The following IMMP2L variants were observed in gnomAD, a reference collection of about 807,000 sequenced individuals.
IMMP2L encodes mitochondrial inner membrane protease subunit 2.
A neutral mutation model predicts 19.3 loss-of-function variants in IMMP2L; 18 were observed. The ratio of observed to expected loss-of-function variants is 0.93; its 90% CI spans 0.64 to 1.38. IMMP2L has a LOEUF of 1.38. IMMP2L is among the 40% of genes most tolerant of loss of function. The pLI, the probability that IMMP2L is intolerant of heterozygous loss-of-function variation, is 0.00. For synonymous variants in IMMP2L, 76 were observed against 73.0 expected (o/e 1.04, Z -0.21); for missense variants, 233 against 218.2 (o/e 1.07, Z -0.43).
chr7:111,066,036 T>C (rs1369511229), intron 3 of IMMP2L, among the ~76,000 whole-genome samples: 1 of 149,268 alleles, frequency 6.7e-6, no homozygotes, highest in Non-Finnish European at 1.5e-5. Context: ...TTGAGTGCTA[T>C]GGCGCAATCT....
intron 5 of IMMP2L, among the ~76,000 whole-genome samples, chr7:110,792,001 A>G (rs1800489434): frequency 6.6e-6 from 1 of 151,978 alleles, no homozygotes; most frequent in South Asian, 2.1e-4. Flanking sequence ...GTTGAGAATA[A>G]ATATTCTTGC....
chr7:111,357,593 G>A (rs983860058), intron 3 of IMMP2L, among the ~76,000 whole-genome samples: 3 of 151,998 alleles, frequency 2.0e-5, no homozygotes, highest in Non-Finnish European at 4.4e-5. Context: ...AACTTGTTTT[G>A]TCTGAATGTT....
At chr7:111,482,242 A>T (rs1309779070) in intron 3 of IMMP2L, among the ~76,000 whole-genome samples, 1 of 152,154 alleles carries the variant, frequency 6.6e-6, no homozygotes. Flanking sequence ...TTTACTTGCC[A>T]TGCACTTGCT....
chr7:111,443,011 G>A (rs890190585), intron 3 of IMMP2L, among the ~76,000 whole-genome samples: 8 of 151,802 alleles, frequency 5.3e-5, no homozygotes, highest in Non-Finnish European at 8.8e-5. Flanking sequence ...TTTCACCTTC[G>A]CTTCAGACAT....
chr7:111,233,345 G>A (rs1016560358), intron 3 of IMMP2L, among the ~76,000 whole-genome samples: 1 of 151,952 alleles, frequency 6.6e-6, no homozygotes, highest in African/African-American at 2.4e-5. Context: ...TTCACTCCCT[G>A]AAATAAAGAC....
At chr7:111,225,803 T>C (rs1317293185) in intron 3 of IMMP2L, among the ~76,000 whole-genome samples, 4 of 151,664 alleles carry the variant, frequency 2.6e-5, no homozygotes, top group African/African-American at 4.8e-5. Context: ...TTACAATACA[T>C]ATTCTGACTT....
chr7:110,758,609 A>G lies in IMMP2L; in HGVS notation c.409-94888T>C, dbSNP rs565223572. On this transcript the variant is annotated intron_variant, in intron 5 of 5. Coordinates refer to ENST00000405709, the MANE Select transcript of IMMP2L (RefSeq NM_032549.4). The surrounding 1 kb of genome is among the most constrained non-coding windows in gnomAD (Gnocchi z 4.6). The stretch of plus-strand genomic sequence containing the variant: ...CTATTTAGCAGATAATAATCAATCA[A>G]TATTGACTTTCAGTCTTCCTACAGT... Among the ~76,000 whole-genome samples, 19 of 152,192 alleles carry G rather than the reference A, an allele frequency of 1.2e-4. No individual in the cohort carries two copies. Among genetic ancestry groups the G allele is most frequent in the African/African-American group, 4.1e-4 (17 of 41,570 alleles).
At chr7:110,690,054 T>G (rs928311432) in intron 5 of IMMP2L, among the ~76,000 whole-genome samples, 2 of 152,228 alleles carry the variant, frequency 1.3e-5, no homozygotes, top group Non-Finnish European at 2.9e-5. Context: ...GGGGAAAGTT[T>G]GCTGCTTAGC....
At chr7:111,169,141 T>C (rs776173816) in intron 3 of IMMP2L, among the ~76,000 whole-genome samples, 1 of 151,876 alleles carries the variant, frequency 6.6e-6, no homozygotes, top group East Asian at 1.9e-4. Context: ...TATACAACTA[T>C]ATATTTTGTT....
chr7:111,472,631 TAAGAA>T (rs529868414), intron 3 of IMMP2L, among the ~76,000 whole-genome samples: 101 of 152,326 alleles, frequency 6.6e-4, no homozygotes, highest in African/African-American at 2.3e-3. Flanking sequence ...TGCTTTTCAT[TAAGAA>T]AAGACACAAT....
At chr7:110,997,222 A>G (rs1048677485) in intron 3 of IMMP2L, among the ~76,000 whole-genome samples, 1 of 152,148 alleles carries the variant, frequency 6.6e-6, no homozygotes, top group Non-Finnish European at 1.5e-5. Flanking sequence ...GCATATATCA[A>G]TAGTTCATTC....
intron 5 of IMMP2L, among the ~76,000 whole-genome samples, chr7:110,783,283 T>A (rs892064432): frequency 2.0e-5 from 3 of 151,822 alleles, no homozygotes; most frequent in Admixed American, 6.6e-5. Context: ...TCTGTGAATT[T>A]TATAATAGCT....
intron 3 of IMMP2L, among the ~76,000 whole-genome samples, chr7:111,426,655 T>A (rs1174106311): frequency 6.6e-6 from 1 of 151,344 alleles, no homozygotes; most frequent in Non-Finnish European, 1.5e-5. Flanking sequence ...TTGTCCTTTT[T>A]AAGGCATGTG....
intron 5 of IMMP2L, among the ~76,000 whole-genome samples, chr7:110,678,090 T>C (rs770003517): frequency 1.3e-5 from 2 of 152,184 alleles, no homozygotes; most frequent in Non-Finnish European, 2.9e-5. Flanking sequence ...CCTGAAGATA[T>C]AATACAGGTC....
chr7:111,316,414 G>C (rs1220477546), intron 3 of IMMP2L, among the ~76,000 whole-genome samples: 2 of 152,066 alleles, frequency 1.3e-5, no homozygotes, highest in Non-Finnish European at 2.9e-5. Context: ...AGCCAACAAA[G>C]TAAAATTCTT....
chr7:110,888,299 T>C (rs1810441336), intron 4 of IMMP2L, among the ~76,000 whole-genome samples: 2 of 152,222 alleles, frequency 1.3e-5, no homozygotes, highest in South Asian at 4.1e-4. Context: ...CTTTTATTAT[T>C]AGATTGCCTC....
intron 4 of IMMP2L, among the ~76,000 whole-genome samples, chr7:110,894,272 A>C (rs1426864472): frequency 6.6e-6 from 1 of 152,052 alleles, no homozygotes; most frequent in Admixed American, 6.6e-5. Flanking sequence ...ATCAGATCTC[A>C]CTATTGTTAA....
At chr7:111,415,280 A>C (rs1834856663) in intron 3 of IMMP2L, among the ~76,000 whole-genome samples, 1 of 151,808 alleles carries the variant, frequency 6.6e-6, no homozygotes, top group South Asian at 2.1e-4. Context: ...CACAATCCCC[A>C]AAAACTGGAT....
intron 5 of IMMP2L, among the ~76,000 whole-genome samples, chr7:110,830,045 T>C (rs1803829394): frequency 6.6e-6 from 1 of 152,184 alleles, no homozygotes; most frequent in Non-Finnish European, 1.5e-5. Flanking sequence ...AAGTCACATA[T>C]GTGCTTAGTG....
Sources: allele counts gnomAD v4.1 joint callset (sites outside exome capture counted in the v4.1 genomes callset), GRCh38; gene constraint gnomAD v4.1.1; non-coding constraint Gnocchi (gnomAD v3.1); transcripts MANE v1.5; gene names NCBI Gene and HGNC (gene_info 2026-07-23, HGNC 2026-07-21).